LNPEP: variants seen among roughly 807,000 people sequenced by gnomAD.
LNPEP encodes the protein leucyl-cystinyl aminopeptidase.
A neutral mutation model predicts 120.6 loss-of-function variants in LNPEP; 64 were observed. The ratio of observed to expected loss-of-function variants is 0.53; its 90% CI spans 0.43 to 0.65. LNPEP has a LOEUF of 0.65. Ranked by LOEUF, LNPEP falls within the 30% of genes least tolerant of loss-of-function variation. The pLI is 0.00. For synonymous variants in LNPEP, 435 were observed against 425.4 expected, an observed-to-expected ratio of 1.02 and a Z score of -0.28; for missense variants, 1,057 against 1,200.0, an observed-to-expected ratio of 0.88 and a Z score of 1.76.
In LNPEP at chr5:97,013,804, T is replaced by G; in HGVS notation, c.2192T>G (p.Leu731Arg). The G allele has an allele frequency of 6.2e-7, 1 of 1,603,212 alleles. No individual in the cohort carries two copies. Among genetic ancestry groups the G allele is most frequent in the Non-Finnish European group, 8.5e-7 (1 of 1,176,356 alleles). Residue 731 changes from leucine (L) to arginine (R), a missense_variant, in exon 12 of 18, where the codon CTT becomes CGT. Transcript: ENST00000231368. ...CTGAGTGACAAAGACCGAGCCAACC[T>G]TATCAACAACATCTTTGAACTTGCA... is the stretch of plus-strand genomic sequence containing the variant. ...YVLSDKDRANLINNIFELAGL... is the reference protein window; with the variant it reads ...YVLSDKDRANRINNIFELAGL...
chr5:96,957,077 A>C (rs1789487150), intron 1 of LNPEP, among the ~76,000 whole-genome samples: 1 of 152,164 alleles, frequency 6.6e-6, no homozygotes, highest in African/African-American at 2.4e-5. Context: ...CATAATTATA[A>C]TAACCGCTTT....
Position 97,033,391 on chromosome 5 carries a change from C to G in LNPEP, c.*4858C>G, listed in dbSNP as rs1438995644. The G allele has an allele frequency of 6.6e-6, 1 of 152,166 alleles. No homozygotes were observed. The highest frequency in any genetic ancestry group is 1.5e-5 in the Non-Finnish European group (1 of 68,038). The allele number at this position is 152,166 out of a possible 1,614,324, so 9.4% of individuals were successfully genotyped here. A position where few individuals can be genotyped will look rare whatever the true frequency, so the allele number is the denominator to read the frequency against. The stretch of plus-strand genomic sequence containing the variant: ...ATCGGGTGCCCAGACTGAAAGGTAC[C>G]TAATGAACCATGGAGTTCCGGATGT... On this transcript the variant is annotated 3_prime_UTR_variant, in exon 18 of 18. Transcript: ENST00000231368.
rs144884570 is a variant in LNPEP at position 96,955,474 on chromosome 5, A to T, written c.19+19300A>T. 9.1e-3 allele frequency among the ~76,000 whole-genome samples: 1,392 copies of T among 152,180 alleles called. 30 individuals carry two copies. The highest frequency in any genetic ancestry group is 0.067 in the East Asian group (346 of 5,156). On this transcript the variant is annotated intron_variant, in intron 1 of 17. Transcript: ENST00000231368. ...TACTAAAAATACAAAAATTAGCTGG[A>T]TGTGGTGATGCACGCCTGTAGTCCC...
chr5:97,020,468 A>G (rs1212474441), intron 13 of LNPEP, among the ~76,000 whole-genome samples: 1 of 151,574 alleles, frequency 6.6e-6, no homozygotes, highest in Non-Finnish European at 1.5e-5. Context: ...AATTTTTTTC[A>G]TTTTGGTCCT....
At chr5:96,970,937 A>T (rs181601416) in intron 1 of LNPEP, among the ~76,000 whole-genome samples, 2 of 151,980 alleles carry the variant, frequency 1.3e-5, no homozygotes, top group Non-Finnish European at 2.9e-5. Flanking sequence ...TTATTTTAAC[A>T]TGTATTATTT....
At position 97,036,663 on chromosome 5, in the gene LNPEP, C is replaced by G. The variant is rs368644379; in HGVS notation, c.*8130C>G. ...TTTTCCCATTTCTGATACTACTACT[C>G]CATGCTGAAGATTTGCCATATTACT... On this transcript the variant is annotated 3_prime_UTR_variant, in exon 18 of 18. Coordinates refer to ENST00000231368, the MANE Select transcript of LNPEP (RefSeq NM_005575.3). 2.0e-5 allele frequency: 3 copies of G among 152,202 alleles called. No individual in the cohort carries two copies. Among genetic ancestry groups the G allele is most frequent in the African/African-American group, 4.8e-5 (2 of 41,540 alleles). 9.4% of individuals were successfully genotyped at this position (152,202 alleles called of 1,614,324 possible).
chr5:96,954,639 TACATATATACATATATAC>T (rs1264343221), intron 1 of LNPEP, among the ~76,000 whole-genome samples: 2,953 of 129,518 alleles, frequency 0.023, 480 homozygotes, highest in African/African-American at 0.075. Flanking sequence ...TATACATATA[TACATATATACATATATAC>T]ACATATATAC....
chr5:96,985,272 G>C, intron 3 of LNPEP, 54 bp downstream of exon 3: 1 of 1,469,534 alleles, frequency 6.8e-7, no homozygotes, highest in Admixed American at 2.0e-5. Flanking sequence ...CTTTCTTTAA[G>C]AACACTTAAA....
At position 96,985,168 on chromosome 5, in the gene LNPEP, A is replaced by T. The variant is rs1426979211; in HGVS notation, c.949A>T (p.Ile317Phe). Residue 317 changes from isoleucine (I) to phenylalanine (F), a missense_variant, in exon 3 of 18, where the codon ATC (isoleucine) becomes TTC (phenylalanine). Coordinates refer to ENST00000231368, the MANE Select transcript of LNPEP (RefSeq NM_005575.3). ...DEPAFKATFI[I>F]KIIRDEQYTA... is the part of the protein sequence containing the mutation. ...ACCAGCATTTAAAGCCACTTTTATC[A>T]TCAAGATCATAAGGGATGAGCAATA... is the stretch of plus-strand genomic sequence containing the variant. 3.7e-6 allele frequency: 6 copies of T among 1,613,802 alleles called. No homozygotes were observed. Among genetic ancestry groups the T allele is most frequent in the Non-Finnish European group, 5.1e-6 (6 of 1,179,858 alleles).
rs1020326087 is a variant in LNPEP at position 97,036,069 on chromosome 5, C to G, written c.*7536C>G. 6.6e-6 allele frequency: 1 copy of G among 152,140 alleles called. No individual in the cohort carries two copies. Among genetic ancestry groups the G allele is most frequent in the African/African-American group, 2.4e-5 (1 of 41,436 alleles). The allele number at this position is 152,140 out of a possible 1,614,324, so 9.4% of individuals were successfully genotyped here. A position where few individuals can be genotyped will look rare whatever the true frequency, so the allele number is the denominator to read the frequency against. ...TGCTGTCTAGAACGCATTTGCAAAC[C>G]GTTAAGAGTAGCTTCTTTTTGAGGC... On this transcript the variant is annotated 3_prime_UTR_variant, in exon 18 of 18. Transcript: ENST00000231368.
At chr5:96,940,647 A>C (rs1211105215) in intron 1 of LNPEP, among the ~76,000 whole-genome samples, 1 of 152,244 alleles carries the variant, frequency 6.6e-6, no homozygotes, top group African/African-American at 2.4e-5. Flanking sequence ...CATGTCTACT[A>C]ATTTAGTGTA....
intron 11 of LNPEP, 81 bp downstream of exon 11, chr5:97,006,596 T>G (rs911612634): frequency 1.3e-6 from 1 of 774,324 alleles, no homozygotes; most frequent in Non-Finnish European, 2.3e-6. Flanking sequence ...GATTACACTT[T>G]CCAGTGTGCA....
chr5:97,020,435 T>A (rs1561454686), intron 13 of LNPEP, among the ~76,000 whole-genome samples: 2 of 152,174 alleles, frequency 1.3e-5, no homozygotes, highest in African/African-American at 4.8e-5. Context: ...CTGTGCTTAT[T>A]CCTTCAGAGG....
chr5:97,006,046 T>TTATATATATATA (rs3839297), intron 9 of LNPEP, 27 bp from the exon 10 acceptor site: 5 of 702,700 alleles, frequency 7.1e-6, no homozygotes, highest in South Asian at 5.7e-5. Flanking sequence ...GGAAAAAGTT[T>TTATATATATATA]TATATATATA....
rs180938857 is a variant in LNPEP, at chr5:96,976,654, G to A, written c.20-2484G>A. Among the ~76,000 whole-genome samples the A allele has an allele frequency of 3.1e-3, 468 of 152,074 alleles. 6 individuals carry two copies. The highest frequency in any genetic ancestry group is 0.022 in the Admixed American group (331 of 15,258). On this transcript the variant is annotated intron_variant, in intron 1 of 17. Transcript: ENST00000231368. Reference sequence around the variant, plus strand: ...ACCCATTGTTGTCTGCAGTAGGCCTGACACAGAACAAAACACATGGGGCAA... The same window carrying A: ...ACCCATTGTTGTCTGCAGTAGGCCTAACACAGAACAAAACACATGGGGCAA...
intron 8 of LNPEP, among the ~76,000 whole-genome samples, chr5:96,999,606 TA>T (rs1290108866): frequency 6.6e-6 from 1 of 152,144 alleles, no homozygotes; most frequent in Non-Finnish European, 1.5e-5. Flanking sequence ...TTAGAGCAGT[TA>T]TTTCAGGATT....
At chr5:96,954,317 C>T (rs1789388963) in intron 1 of LNPEP, among the ~76,000 whole-genome samples, 1 of 152,080 alleles carries the variant, frequency 6.6e-6, no homozygotes, top group African/African-American at 2.4e-5. Context: ...CATTCTAACC[C>T]ATTCATTCAA....
At chr5:96,972,686 G>A (rs1229285515) in intron 1 of LNPEP, among the ~76,000 whole-genome samples, 1 of 152,118 alleles carries the variant, frequency 6.6e-6, no homozygotes, top group Non-Finnish European at 1.5e-5. Flanking sequence ...CTGTTAGCTA[G>A]TATGTGCAAA....
intron 4 of LNPEP, among the ~76,000 whole-genome samples, chr5:96,988,149 C>T (rs542535475): frequency 2.0e-5 from 3 of 151,358 alleles, no homozygotes; most frequent in Admixed American, 6.6e-5. Flanking sequence ...TTCCTCTTCA[C>T]TCTCTCTCTT....
Sources: allele counts gnomAD v4.1 joint callset (sites outside exome capture counted in the v4.1 genomes callset), GRCh38; gene constraint gnomAD v4.1.1; transcripts MANE v1.5; gene names NCBI Gene and HGNC (gene_info 2026-07-23, HGNC 2026-07-21).